PTGER3: variants seen among roughly 807,000 people sequenced by gnomAD.
The protein encoded by PTGER3 is prostaglandin E2 receptor EP3 subtype.
In PTGER3, 22 loss-of-function variants were observed where a neutral mutation model predicts 34.7. The observed-to-expected ratio is 0.63, with a 90% CI of 0.45 to 0.91. PTGER3 has a LOEUF of 0.91. PTGER3 is among the 40% of genes least tolerant of loss of function. PTGER3 has a pLI of 0.00. For missense variants in PTGER3, 468 were observed against 519.4 expected (o/e 0.90, Z 0.96); for synonymous variants, 241 against 230.1 (o/e 1.05, Z -0.43).
chr1:70,896,320 C>G (rs918737663), intron 4 of PTGER3, among the ~76,000 whole-genome samples: 6 of 152,018 alleles, frequency 3.9e-5, no homozygotes, highest in African/African-American at 1.5e-4. Flanking sequence ...GTGTCCTTAT[C>G]AAAGGGGGGA....
At chr1:71,010,959 G>C (rs946202436) in intron 2 of PTGER3, 197 of 985,476 alleles carry the variant, frequency 2.0e-4, no homozygotes, top group Non-Finnish European at 2.2e-4. Flanking sequence ...AACTAGAAAA[G>C]CAGTGCAAGA....
At chr1:70,986,596 G>A (rs1363174261) in intron 2 of PTGER3, among the ~76,000 whole-genome samples, 1 of 152,188 alleles carries the variant, frequency 6.6e-6, no homozygotes, top group East Asian at 1.9e-4. Context: ...AATCAATGGT[G>A]GATGCCAGTG....
intron 2 of PTGER3, among the ~76,000 whole-genome samples, chr1:70,996,717 G>A (rs1268425263): frequency 6.8e-6 from 1 of 147,296 alleles, no homozygotes; most frequent in Non-Finnish European, 1.5e-5. Context: ...AGGCTGGAGT[G>A]CAGTGGCGAG....
intron 1 of PTGER3, among the ~76,000 whole-genome samples, chr1:71,023,151 G>A (rs10399632): frequency 0.34 from 51,324 of 151,652 alleles, 9,402 homozygotes; most frequent in South Asian, 0.45. Flanking sequence ...AAAACCTGCT[G>A]CAGCCTGACC....
chr1:70,941,743 A>T (rs1373993333), intron 4 of PTGER3, among the ~76,000 whole-genome samples: 2 of 152,110 alleles, frequency 1.3e-5, no homozygotes, highest in Non-Finnish European at 2.9e-5. Context: ...ATATCACTGG[A>T]ATCTGTTTTG....
intron 2 of PTGER3, chr1:71,011,692 G>A: frequency 1.0e-6 from 1 of 975,134 alleles, no homozygotes; most frequent in Non-Finnish European, 1.2e-6. Flanking sequence ...AGCAATATTT[G>A]AATAATGGTA....
At chr1:71,033,100 T>A (rs1390460590) in intron 1 of PTGER3, among the ~76,000 whole-genome samples, 1 of 152,196 alleles carries the variant, frequency 6.6e-6, no homozygotes, top group Non-Finnish European at 1.5e-5. Flanking sequence ...CTCTTCCTAG[T>A]TGTGTAAGCT....
chr1:70,914,230 T>C (rs987471731), intron 4 of PTGER3, among the ~76,000 whole-genome samples: 1 of 151,892 alleles, frequency 6.6e-6, no homozygotes, highest in Non-Finnish European at 1.5e-5. Context: ...GGATGAGTTG[T>C]GTTTGTTGAA....
At chr1:70,854,487 C>G (rs1426388285) in intron 4 of PTGER3, among the ~76,000 whole-genome samples, 1 of 152,090 alleles carries the variant, frequency 6.6e-6, no homozygotes, top group Admixed American at 6.6e-5. Flanking sequence ...GTAATCTCCA[C>G]ATGTCAGAGG....
rs183307379 is a variant in PTGER3 at position 70,922,382 on chromosome 1, G to A, written c.*23+31381C>T. Among the ~76,000 whole-genome samples the A allele has an allele frequency of 1.8e-3, 278 of 152,186 alleles. 3 individuals carry two copies. The highest frequency in any genetic ancestry group is 0.014 in the Middle Eastern group (4 of 294). ...GAGTCATGAAAAAATTTATGAAAACGAATTTATGCAAGAAACATTGTACAA... is the reference window on the plus strand; with the variant it reads ...GAGTCATGAAAAAATTTATGAAAACAAATTTATGCAAGAAACATTGTACAA... On this transcript the variant is annotated intron_variant, in intron 4 of 4. Coordinates refer to the PTGER3 transcript ENST00000370931.
At chr1:70,943,720 C>G (rs536054793) in intron 4 of PTGER3, among the ~76,000 whole-genome samples, 1 of 151,956 alleles carries the variant, frequency 6.6e-6, no homozygotes, top group East Asian at 1.9e-4. Flanking sequence ...GTGAGGGAAA[C>G]TAGTTTTGAT....
intron 1 of PTGER3, among the ~76,000 whole-genome samples, chr1:71,029,218 A>G (rs937683059): frequency 7.9e-5 from 12 of 152,168 alleles, no homozygotes; most frequent in Admixed American, 1.3e-4. Context: ...TCATTTCACA[A>G]TCATTTATTG....
chr1:70,896,941 C>T (rs1347007171), intron 4 of PTGER3, among the ~76,000 whole-genome samples: 1 of 152,144 alleles, frequency 6.6e-6, no homozygotes, highest in African/African-American at 2.4e-5. Flanking sequence ...ATTTCTTTCC[C>T]TGTAGTTTGA....
downstream of PTGER3, among the ~76,000 whole-genome samples, chr1:70,948,012 G>T (rs189887673): frequency 1.2e-3 from 177 of 152,230 alleles, no homozygotes; most frequent in African/African-American, 3.9e-3. Context: ...TTTCATCATG[G>T]CTTTTAGCAT....
Position 71,034,749 on chromosome 1 carries a change from G to A in PTGER3, c.897+11932C>T, listed in dbSNP as rs1187175087. 2.0e-5 allele frequency among the ~76,000 whole-genome samples: 3 copies of A among 152,128 alleles called. No homozygotes were observed. In the East Asian group the frequency reaches 5.8e-4, roughly 29 times the overall value. ...ACAAAGAACAGCTCAAGATGAATTG[G>A]GGTATTCTAAGGCATCATGGCATGG... On this transcript the variant is annotated intron_variant, in intron 1 of 3. Coordinates refer to ENST00000306666, the MANE Select transcript of PTGER3 (RefSeq NM_198719.2).
Position 71,012,468 on chromosome 1 carries a change from A to T in PTGER3, c.914T>A (p.Met305Lys). The T allele has an allele frequency of 6.2e-7, 1 of 1,612,376 alleles. No homozygotes were observed. Among genetic ancestry groups the T allele is most frequent in the Non-Finnish European group, 8.5e-7 (1 of 1,179,116 alleles). Residue 305 changes from methionine to lysine, a missense_variant, in exon 2 of 4, where the codon ATG becomes AAG. Around this residue, in one of 5 missense-constraint regions of PTGER3, gnomAD observed 204 missense variants for 230.8 expected, o/e 0.88. Coordinates refer to ENST00000306666, the MANE Select transcript of PTGER3 (RefSeq NM_198719.2). ...WSPLLIMMLK[M>K]IFNQTSVEHC... is the part of the protein sequence containing the mutation. ...CTCAACTGATGTCTGATTGAAGATC[A>T]TTTTCAACATCATTATCTAAGAAAA...
intron 4 of PTGER3, among the ~76,000 whole-genome samples, chr1:70,938,397 GA>G (rs1282203895): frequency 6.6e-6 from 1 of 151,950 alleles, no homozygotes; most frequent in African/African-American, 2.4e-5. Flanking sequence ...GGTTCTCACT[GA>G]AAAAGAATTT....
chr1:71,000,199 C>T (rs1378532779), intron 2 of PTGER3, among the ~76,000 whole-genome samples: 1 of 152,174 alleles, frequency 6.6e-6, no homozygotes, highest in Non-Finnish European at 1.5e-5. Flanking sequence ...ATGGATAACA[C>T]ATGATTATAT....
intron 4 of PTGER3, among the ~76,000 whole-genome samples, chr1:70,855,679 C>T (rs568113150): frequency 9.2e-5 from 14 of 152,060 alleles, no homozygotes; most frequent in African/African-American, 3.4e-4. Flanking sequence ...AATATCTGTT[C>T]ATTCAGGGAA....
Sources: allele counts gnomAD v4.1 joint callset (sites outside exome capture counted in the v4.1 genomes callset), GRCh38; gene constraint gnomAD v4.1.1; regional missense constraint gnomAD v4.1.1; transcripts MANE v1.5; gene names NCBI Gene and HGNC (gene_info 2026-07-23, HGNC 2026-07-21).